The following MAGI2 variants were observed in gnomAD, a reference collection of about 807,000 sequenced individuals.
The protein encoded by MAGI2 is membrane associated guanylate kinase, WW and PDZ domain containing 2.
Under a neutral mutation model 133.3 loss-of-function variants are expected in MAGI2, and 35 were observed. The observed-to-expected ratio is 0.26, with a 90% CI of 0.20 to 0.35. The LOEUF is 0.35. MAGI2 is among the 10% of genes least tolerant of loss of function. The pLI is 1.00. For synonymous variants in MAGI2, 729 were observed against 710.6 expected (o/e 1.03, Z -0.41); for missense variants, 1,636 against 1,863.4 (o/e 0.88, Z 2.25).
chr7:79,068,422 T>TG (rs1295128115), intron 1 of MAGI2, among the ~76,000 whole-genome samples: 2 of 152,220 alleles, frequency 1.3e-5, no homozygotes, highest in East Asian at 3.9e-4. Context: ...TGTATTTTTG[T>TG]GGGATCAGTG....
chr7:78,865,336 C>T (rs1485077326), intron 2 of MAGI2, among the ~76,000 whole-genome samples: 4 of 152,020 alleles, frequency 2.6e-5, no homozygotes, highest in African/African-American at 7.2e-5. Flanking sequence ...AAGAAGAGTG[C>T]TTTGTGAGGA....
intron 1 of MAGI2, among the ~76,000 whole-genome samples, chr7:79,389,299 G>T (rs555877792): frequency 1.2e-3 from 188 of 152,098 alleles, no homozygotes; most frequent in African/African-American, 4.4e-3. Context: ...AATTACGTAC[G>T]ATGATAAGTA....
chr7:78,817,287 C>T (rs1476722315), intron 2 of MAGI2, among the ~76,000 whole-genome samples: 2 of 152,148 alleles, frequency 1.3e-5, no homozygotes, highest in Non-Finnish European at 2.9e-5. Context: ...GGTGAAGATG[C>T]TGTCAACATT....
intron 2 of MAGI2, among the ~76,000 whole-genome samples, chr7:78,813,050 A>G (rs1198086136): frequency 6.6e-6 from 1 of 152,212 alleles, no homozygotes; most frequent in Non-Finnish European, 1.5e-5. Flanking sequence ...GACAGAATAC[A>G]TGAAACAACT....
At position 78,127,245 on chromosome 7, in the gene MAGI2, G is replaced by C; in HGVS notation, c.3375C>G (p.His1125Gln). Residue 1125 changes from histidine (H) to glutamine (Q), a missense_variant, in exon 19 of 22, where the codon CAC (histidine) becomes CAG (glutamine). Around this residue, in one of 5 missense-constraint regions of MAGI2, gnomAD observed 920 missense variants for 1,093.5 expected, o/e 0.84. Coordinates refer to ENST00000354212, the MANE Select transcript of MAGI2 (RefSeq NM_012301.4). The part of the protein sequence containing the change: ...RQPPLLDYRQ[H>Q]SPDTRQYPLS... ...GAGGGTACTGCCTGGTGTCGGGGGAGTGCTGCCTGTAGTCCAGTAGGGGAG... is the reference window on the plus strand; with the variant it reads ...GAGGGTACTGCCTGGTGTCGGGGGACTGCTGCCTGTAGTCCAGTAGGGGAG... 1 of 1,607,632 alleles carries C rather than the reference G, an allele frequency of 6.2e-7. No homozygotes were observed. The highest frequency in any genetic ancestry group is 8.5e-7 in the Non-Finnish European group (1 of 1,177,070).
intron 3 of MAGI2, among the ~76,000 whole-genome samples, chr7:78,558,448 T>C (rs2362635): frequency 0.064 from 9,778 of 152,214 alleles, 425 homozygotes; most frequent in Non-Finnish European, 0.088. Flanking sequence ...ATTTCTAAAT[T>C]TCCAAAAAAG....
intron 1 of MAGI2, among the ~76,000 whole-genome samples, chr7:79,074,188 T>G (rs1584863999): frequency 6.6e-6 from 1 of 152,192 alleles, no homozygotes; most frequent in East Asian, 1.9e-4. Flanking sequence ...AGCTTTTTGT[T>G]GAAATAATAA....
At chr7:78,611,827 T>C (rs1027567237) in intron 3 of MAGI2, among the ~76,000 whole-genome samples, 2 of 152,202 alleles carry the variant, frequency 1.3e-5, no homozygotes, top group Non-Finnish European at 2.9e-5. Flanking sequence ...AAAAAGGTTG[T>C]AAATGATTGT....
intron 2 of MAGI2, among the ~76,000 whole-genome samples, chr7:78,914,435 A>G (rs1203306738): frequency 6.6e-6 from 1 of 152,174 alleles, no homozygotes; most frequent in Non-Finnish European, 1.5e-5. Flanking sequence ...TCAACAAAAT[A>G]CTTTTTCATT....
chr7:78,398,387 T>C (rs1348403131), intron 6 of MAGI2, among the ~76,000 whole-genome samples: 3 of 152,136 alleles, frequency 2.0e-5, no homozygotes, highest in Non-Finnish European at 4.4e-5. Flanking sequence ...TAGAAAAATC[T>C]CTTGCTAACT....
At chr7:79,022,945 C>T (rs1809492133) in intron 1 of MAGI2, among the ~76,000 whole-genome samples, 1 of 152,062 alleles carries the variant, frequency 6.6e-6, no homozygotes, top group Non-Finnish European at 1.5e-5. Context: ...TGGTACTATT[C>T]TAAAAAATTG....
chr7:78,104,990 C>CCTCCTT (rs36016695), intron 20 of MAGI2, among the ~76,000 whole-genome samples: 1 of 151,782 alleles, frequency 6.6e-6, no homozygotes, highest in South Asian at 2.1e-4. Flanking sequence ...CCTCCCACCT[C>CCTCCTT]ATCTCCCAGA....
intron 3 of MAGI2, chr7:78,614,934 G>A (rs1440229878): frequency 6.6e-6 from 1 of 152,054 alleles, no homozygotes; most frequent in African/African-American, 2.4e-5. Context: ...ATAGCTCAGG[G>A]TCATTATTAG....
intron 2 of MAGI2, among the ~76,000 whole-genome samples, chr7:78,724,661 CAGG>C (rs1277262347): frequency 6.6e-6 from 1 of 152,118 alleles, no homozygotes; most frequent in Non-Finnish European, 1.5e-5. Context: ...TTTGAGGTGC[CAGG>C]AGATTACTCT....
At chr7:78,127,170 C>T in intron 19 of MAGI2, 27 bp downstream of exon 19, 2 of 1,522,010 alleles carry the variant, frequency 1.3e-6, no homozygotes, top group South Asian at 2.6e-5. Flanking sequence ...TTGGTCAGGA[C>T]CCACCCTGCT....
intron 14 of MAGI2, among the ~76,000 whole-genome samples, chr7:78,177,331 A>G (rs62463861): frequency 1.3e-5 from 2 of 152,046 alleles, no homozygotes; most frequent in African/African-American, 4.8e-5. Flanking sequence ...TATAGCTTAT[A>G]TTTTAACATA....
chr7:78,809,185 C>T (rs1290339102), intron 2 of MAGI2, among the ~76,000 whole-genome samples: 2 of 152,172 alleles, frequency 1.3e-5, no homozygotes, highest in African/African-American at 2.4e-5. Flanking sequence ...TCCAGTTAGT[C>T]GTGAACTCTT....
intron 2 of MAGI2, among the ~76,000 whole-genome samples, chr7:78,830,532 T>C: frequency 6.6e-6 from 1 of 152,224 alleles, no homozygotes; most frequent in Non-Finnish European, 1.5e-5. Context: ...TTTGCTCATA[T>C]TCACTTTTAA....
chr7:79,031,662 G>C (rs1191864875), intron 1 of MAGI2, among the ~76,000 whole-genome samples: 1 of 152,066 alleles, frequency 6.6e-6, no homozygotes, highest in Non-Finnish European at 1.5e-5. Flanking sequence ...TTGATTAAAG[G>C]TGTCTTTATA....
Sources: gnomAD v4.1 joint callset for allele counts (sites outside exome capture counted in the v4.1 genomes callset) on GRCh38, gnomAD v4.1.1 for gene constraint, gnomAD v4.1.1 regional missense constraint, MANE v1.5 for transcripts, NCBI Gene and HGNC (gene_info 2026-07-23, HGNC 2026-07-21) for gene names.